CRISPLD2: variants seen among roughly 807,000 people sequenced by gnomAD.
The protein encoded by CRISPLD2 is cysteine rich secretory protein LCCL domain containing 2.
Under a neutral mutation model 71.1 loss-of-function variants are expected in CRISPLD2, and 47 were observed. The ratio of observed to expected loss-of-function variants is 0.66; its 90% CI spans 0.52 to 0.84. The LOEUF (loss-of-function observed/expected upper bound fraction) is 0.84. Ranked by LOEUF, CRISPLD2 falls within the 40% of genes least tolerant of loss-of-function variation. The probability of loss-of-function intolerance (pLI) is 0.00; values close to 1 mark genes in which losing one functional copy is unlikely to be tolerated. For missense variants in CRISPLD2, 830 were observed against 651.1 expected, an observed-to-expected ratio of 1.27 and a Z score of -2.99; for synonymous variants, 317 against 250.1, an observed-to-expected ratio of 1.27 and a Z score of -2.52.
chr16:84,837,861 C>T (rs1456704311), intron 1 of CRISPLD2, among the ~76,000 whole-genome samples: 2 of 152,328 alleles, frequency 1.3e-5, no homozygotes, highest in East Asian at 3.9e-4. Flanking sequence ...GAGGCCTTGG[C>T]TGGACGTGGT....
chr16:84,850,452 C>A, intron 4 of CRISPLD2, 116 bp from the exon 5 acceptor site: 1 of 789,198 alleles, frequency 1.3e-6, no homozygotes, highest in Non-Finnish European at 2.2e-6. Context: ...TATCTGCTTC[C>A]CCAACCCTTC....
chr16:84,906,482 C>A, intron 14 of CRISPLD2, 106 bp from the exon 15 acceptor site: 1 of 1,158,446 alleles, frequency 8.6e-7, no homozygotes. Context: ...GGCTCTTCCA[C>A]TACGGGAGCA....
intron 8 of CRISPLD2, among the ~76,000 whole-genome samples, chr16:84,870,199 A>G (rs773078190): frequency 1.8e-4 from 28 of 152,344 alleles, no homozygotes; most frequent in Middle Eastern, 3.4e-3. Context: ...AATAACAACA[A>G]CAAAAAAGTA....
chr16:84,849,861 T>A (rs1308402869), intron 4 of CRISPLD2, among the ~76,000 whole-genome samples: 1 of 148,502 alleles, frequency 6.7e-6, no homozygotes, highest in African/African-American at 2.5e-5. Flanking sequence ...GGGACTACAG[T>A]TGTGCACTAC....
At chr16:84,860,482 T>G (rs1248242443) in intron 6 of CRISPLD2, among the ~76,000 whole-genome samples, 2 of 152,120 alleles carry the variant, frequency 1.3e-5, no homozygotes, top group Non-Finnish European at 2.9e-5. Flanking sequence ...AACAGGGATG[T>G]TGGGGTTGGC....
chr16:84,849,150 G>T (rs113156814), intron 3 of CRISPLD2: 3 of 522,624 alleles, frequency 5.7e-6, no homozygotes, highest in Non-Finnish European at 1.0e-5. Context: ...GGAATTGAGG[G>T]TTATTCCCCC....
chr16:84,877,420 C>A lies in CRISPLD2; in HGVS notation c.1157-18C>A. ...GCGTGCTGGGACCTGACCCTTTCCC[C>A]CTTGCTCCTGTTCACAGTGCAGGAT... On this transcript the variant is annotated intron_variant, in intron 11 of 14. Coordinates refer to ENST00000262424, the MANE Select transcript of CRISPLD2 (RefSeq NM_031476.4). 6.2e-7 allele frequency: 1 copy of A among 1,612,984 alleles called. No individual in the cohort carries two copies. Among genetic ancestry groups the A allele is most frequent in the Admixed American group, 1.7e-5 (1 of 60,004 alleles).
chr16:84,858,451 C>G (rs1401279010), intron 6 of CRISPLD2, among the ~76,000 whole-genome samples: 1 of 152,180 alleles, frequency 6.6e-6, no homozygotes, highest in Non-Finnish European at 1.5e-5. Flanking sequence ...AGAAGGAATA[C>G]CTTAACAGGC....
At position 84,906,525 on chromosome 16, in the gene CRISPLD2, A is replaced by C. The variant is rs539866989; in HGVS notation, c.1440-63A>C. 18 of 1,575,334 alleles carry C rather than the reference A, an allele frequency of 1.1e-5. No individual in the cohort carries two copies. In the East Asian group the frequency reaches 4.0e-4, roughly 35 times the overall value. ...GGCACCCAGGTCTCCCTGCCCACCC[A>C]GAGTCCCTGCAGGAGGCCCTCCAGA... On this transcript the variant is annotated intron_variant, in intron 14 of 14. Transcript: ENST00000262424.
chr16:84,877,076 C>T (rs1285417156), intron 11 of CRISPLD2, among the ~76,000 whole-genome samples: 1 of 152,190 alleles, frequency 6.6e-6, no homozygotes, highest in East Asian at 1.9e-4. Context: ...CTCTGAGCTT[C>T]CATTTCCTCA....
chr16:84,878,235 A>C (rs1235473362), intron 12 of CRISPLD2, among the ~76,000 whole-genome samples: 2 of 152,096 alleles, frequency 1.3e-5, no homozygotes, highest in African/African-American at 4.8e-5. Context: ...AAAAAAGAAA[A>C]AAGTACACAA....
intron 5 of CRISPLD2, among the ~76,000 whole-genome samples, chr16:84,852,542 G>GCATATT (rs1373085905): frequency 6.6e-6 from 1 of 152,220 alleles, no homozygotes; most frequent in Non-Finnish European, 1.5e-5. Flanking sequence ...TTTGTCTGCT[G>GCATATT]CATATTACTG....
intron 6 of CRISPLD2, among the ~76,000 whole-genome samples, chr16:84,856,970 G>T (rs1917257342): frequency 6.6e-6 from 1 of 152,234 alleles, no homozygotes; most frequent in African/African-American, 2.4e-5. Flanking sequence ...GGGTAAACCT[G>T]TATCCAGAGT....
Position 84,866,763 on chromosome 16 carries a change from C to T in CRISPLD2, c.710-134C>T, listed in dbSNP as rs1219300600. 12 of 841,408 alleles carry T rather than the reference C, an allele frequency of 1.4e-5. No homozygotes were observed. The East Asian group carries it at 2.1e-4, about 15-fold the overall frequency. The allele number at this position is 841,408 out of a possible 1,614,324, so 52.1% of individuals were successfully genotyped here. On this transcript the variant is annotated intron_variant, in intron 6 of 14. Transcript: ENST00000262424. The stretch of plus-strand genomic sequence containing the variant: ...GGTCTGTTCTGAAATGTAACTTTCT[C>T]TTTGCCGCTGAAATGATTCTTTGTA...
chr16:84,898,205 C>T (rs2071723250), intron 14 of CRISPLD2, among the ~76,000 whole-genome samples: 1 of 152,228 alleles, frequency 6.6e-6, no homozygotes, highest in Non-Finnish European at 1.5e-5. Context: ...ACAGCCACAG[C>T]CACCAAAGTG....
intron 13 of CRISPLD2, among the ~76,000 whole-genome samples, chr16:84,882,367 A>AAAAAAG (rs1567700201): frequency 2.0e-5 from 2 of 101,632 alleles, no homozygotes. Context: ...AAAAAAAAAA[A>AAAAAAG]AAAAGCAAGA....
chr16:84,881,485 G>T (rs1052481712), intron 13 of CRISPLD2, among the ~76,000 whole-genome samples: 3 of 152,124 alleles, frequency 2.0e-5, no homozygotes, highest in African/African-American at 7.2e-5. Context: ...ATGTGACTGT[G>T]GTCCCACTTC....
chr16:84,880,984 T>C (rs1179822477), intron 13 of CRISPLD2, among the ~76,000 whole-genome samples: 3 of 152,046 alleles, frequency 2.0e-5, no homozygotes, highest in African/African-American at 7.2e-5. Flanking sequence ...GGATTCCAGG[T>C]GTGAGTCCCC....
intron 14 of CRISPLD2, among the ~76,000 whole-genome samples, chr16:84,896,291 C>T (rs982650402): frequency 1.3e-5 from 2 of 151,932 alleles, no homozygotes; most frequent in African/African-American, 4.8e-5. Context: ...TCAAGTGATC[C>T]GCCCACCTCA....
Sources: gnomAD v4.1 joint callset for allele counts (sites outside exome capture counted in the v4.1 genomes callset) on GRCh38, gnomAD v4.1.1 for gene constraint, MANE v1.5 for transcripts, NCBI Gene and HGNC (gene_info 2026-07-23, HGNC 2026-07-21) for gene names.